Variants in ASRGL1 observed in about 807,000 individuals in gnomAD.
ASRGL1 encodes the protein isoaspartyl peptidase/L-asparaginase.
A neutral mutation model predicts 22.4 loss-of-function variants in ASRGL1; 16 were observed. The observed-to-expected ratio is 0.71, with a 90% CI of 0.48 to 1.08. The LOEUF is 1.08. Among genes scored for constraint, ASRGL1 ranks in the 50% least tolerant of loss-of-function variants. The probability of loss-of-function intolerance (pLI) is 0.00; values close to 1 mark genes in which losing one functional copy is unlikely to be tolerated. For synonymous variants in ASRGL1, 165 were observed against 159.3 expected, an observed-to-expected ratio of 1.04 and a Z score of -0.27; for missense variants, 412 against 410.1, an observed-to-expected ratio of 1.00 and a Z score of -0.04.
chr11:62,389,067 C>T, intron 4 of ASRGL1, 66 bp from the exon 5 acceptor site: 1 of 1,371,242 alleles, frequency 7.3e-7, no homozygotes. Context: ...TTTTAAGGTA[C>T]ATTGTTGGTT....
In ASRGL1 at chr11:62,393,366, T is replaced by C. The variant is rs2134710269; in HGVS notation, c.*1082T>C. On this transcript the variant is annotated 3_prime_UTR_variant, in exon 7 of 7. Coordinates refer to ENST00000415229, the MANE Select transcript of ASRGL1 (RefSeq NM_001083926.2). The stretch of plus-strand genomic sequence containing the variant: ...CACCTTCTCTCTGGAAAGAATTTGC[T>C]TAACTTGACATTCCATGTGCCGCTA... 1 of 152,358 alleles carries C rather than the reference T, an allele frequency of 6.6e-6. No homozygotes were observed. Among genetic ancestry groups the C allele is most frequent in the Non-Finnish European group, 1.5e-5 (1 of 68,036 alleles). The allele number at this position is 152,358 out of a possible 1,614,324, so 9.4% of individuals were successfully genotyped here.
At position 62,389,229 on chromosome 11, in the gene ASRGL1, C is replaced by G. The variant is rs200902383; in HGVS notation, c.588C>G (p.Arg196=). 3 of 1,613,956 alleles carry G rather than the reference C, an allele frequency of 1.9e-6. No individual in the cohort carries two copies. The East Asian group carries it at 6.7e-5, about 36-fold the overall frequency. ...GTATCGTTAATAAAATGGTCGGCCG[C>G]GTTGGGGACTCACCGTGTCTAGGTA... ...TGGIVNKMVG[R]VGDSPCLGAG... Residue 196 remains arginine, a synonymous_variant, in exon 5 of 7, where the codon CGC becomes CGG. Coordinates refer to ENST00000415229, the MANE Select transcript of ASRGL1 (RefSeq NM_001083926.2).
chr11:62,361,786 C>T (rs142583253), intron 4 of ASRGL1, among the ~76,000 whole-genome samples: 114 of 151,924 alleles, frequency 7.5e-4, no homozygotes, highest in East Asian at 7.4e-3. Flanking sequence ...GTGCCCAGCC[C>T]AAAGTTTTTT....
intron 4 of ASRGL1, among the ~76,000 whole-genome samples, chr11:62,386,438 T>A: frequency 1.5e-5 from 1 of 68,706 alleles, no homozygotes. Flanking sequence ...TCAATTAAAC[T>A]TTATCATAGA....
intron 2 of ASRGL1, among the ~76,000 whole-genome samples, chr11:62,338,905 AGCCT>A (rs1945795948): frequency 8.1e-6 from 1 of 123,470 alleles, no homozygotes; most frequent in Non-Finnish European, 1.6e-5. Flanking sequence ...AGATCACTCC[AGCCT>A]GGGCGACAGA....
intron 4 of ASRGL1, among the ~76,000 whole-genome samples, chr11:62,383,479 T>C (rs1235003020): frequency 8.7e-5 from 13 of 149,458 alleles, no homozygotes; most frequent in Non-Finnish European, 7.4e-5. Context: ...GGCGGGCGCC[T>C]GTAGTCCCAG....
intron 4 of ASRGL1, among the ~76,000 whole-genome samples, chr11:62,365,525 G>T (rs12282077): frequency 0.27 from 41,385 of 151,896 alleles, 5,734 homozygotes; most frequent in South Asian, 0.36. Flanking sequence ...CTGCACTCCA[G>T]CCTGGGCAAC....
chr11:62,365,018 G>C (rs932150121), intron 4 of ASRGL1, among the ~76,000 whole-genome samples: 1 of 148,932 alleles, frequency 6.7e-6, no homozygotes. Flanking sequence ...GCAGTGAGCC[G>C]AGACCACGCT....
At chr11:62,371,238 G>A in intron 4 of ASRGL1, 1 of 1,277,886 alleles carries the variant, frequency 7.8e-7, no homozygotes, top group Non-Finnish European at 1.0e-6. Flanking sequence ...GCAGCCGGAA[G>A]CGCGAGCCTC....
At chr11:62,338,914 G>A (rs1181392360) in intron 2 of ASRGL1, among the ~76,000 whole-genome samples, 1 of 130,126 alleles carries the variant, frequency 7.7e-6, no homozygotes, top group Admixed American at 8.5e-5. Context: ...CAGCCTGGGC[G>A]ACAGAGCGAG....
intron 4 of ASRGL1, among the ~76,000 whole-genome samples, chr11:62,362,891 A>ATTTTTTT (rs60507577): frequency 7.9e-5 from 4 of 50,366 alleles, no homozygotes; most frequent in African/African-American, 3.9e-4. Context: ...AAAGGATTTA[A>ATTTTTTT]TTTTTTTTTT....
chr11:62,396,488 A>C (rs1947434288), downstream of ASRGL1, among the ~76,000 whole-genome samples: 1 of 152,182 alleles, frequency 6.6e-6, no homozygotes, highest in Non-Finnish European at 1.5e-5. Flanking sequence ...GAAAAATTGG[A>C]GTTTCCCCGG....
intron 2 of ASRGL1, 186 bp downstream of exon 2, chr11:62,338,353 G>T: frequency 1.5e-6 from 1 of 675,180 alleles, no homozygotes; most frequent in African/African-American, 1.9e-5. Context: ...TATTTGTAGA[G>T]ATTTATACTG....
intron 4 of ASRGL1, among the ~76,000 whole-genome samples, chr11:62,363,897 C>A (rs1590730557): frequency 1.3e-5 from 2 of 152,132 alleles, no homozygotes. Flanking sequence ...TGGTTCACGC[C>A]TGTAATCCTA....
intron 4 of ASRGL1, among the ~76,000 whole-genome samples, chr11:62,379,526 C>G (rs1947013001): frequency 6.6e-6 from 1 of 152,148 alleles, no homozygotes; most frequent in Non-Finnish European, 1.5e-5. Context: ...TGAATTTCAC[C>G]TTTGTAGTCT....
At chr11:62,354,029 A>G (rs751430179) in intron 2 of ASRGL1, among the ~76,000 whole-genome samples, 1 of 152,228 alleles carries the variant, frequency 6.6e-6, no homozygotes, top group Non-Finnish European at 1.5e-5. Context: ...TTAAACTGGC[A>G]TGTAATCAGG....
chr11:62,341,256 T>A (rs1192401701), intron 2 of ASRGL1, among the ~76,000 whole-genome samples: 1 of 150,554 alleles, frequency 6.6e-6, no homozygotes, highest in Non-Finnish European at 1.5e-5. Flanking sequence ...TGGAGTGCAG[T>A]GGCACAGTTT....
chr11:62,374,631 C>G (rs1946865844), intron 4 of ASRGL1, among the ~76,000 whole-genome samples: 1 of 152,092 alleles, frequency 6.6e-6, no homozygotes, highest in Non-Finnish European at 1.5e-5. Context: ...CTATTTTCCA[C>G]CCCAGTCGCT....
downstream of ASRGL1, among the ~76,000 whole-genome samples, chr11:62,397,261 C>T (rs1240547703): frequency 1.3e-5 from 2 of 152,116 alleles, no homozygotes; most frequent in Non-Finnish European, 2.9e-5. Context: ...ATTTCTTGAC[C>T]TCGTGATCCT....
Sources: gnomAD v4.1 joint callset for allele counts (sites outside exome capture counted in the v4.1 genomes callset) on GRCh38, gnomAD v4.1.1 for gene constraint, MANE v1.5 for transcripts, NCBI Gene and HGNC (gene_info 2026-07-23, HGNC 2026-07-21) for gene names.